CBX1: variants seen among roughly 807,000 people sequenced by gnomAD.
The protein encoded by CBX1 is chromobox protein homolog 1.
A neutral mutation model predicts 25.1 loss-of-function variants in CBX1; 10 were observed. The observed-to-expected ratio is 0.40, with a 90% CI of 0.25 to 0.68. CBX1 has a LOEUF of 0.68. Ranked by LOEUF, CBX1 falls within the 30% of genes least tolerant of loss-of-function variation. The pLI, the probability that CBX1 is intolerant of heterozygous loss-of-function variation, is 0.40. For synonymous variants in CBX1, 63 were observed against 79.4 expected (o/e 0.79, Z 1.10); for missense variants, 106 against 218.5 (o/e 0.49, Z 3.25).
chr17:48,092,673 C>T (rs1356412374), intron 1 of CBX1, among the ~76,000 whole-genome samples: 3 of 151,834 alleles, frequency 2.0e-5, no homozygotes, highest in South Asian at 2.1e-4. Context: ...AGGCTGGTCT[C>T]GAACTCCTGA....
At chr17:48,084,282 CA>C (rs1567766735) in intron 1 of CBX1, among the ~76,000 whole-genome samples, 2 of 44 alleles carry the variant, frequency 0.045, no homozygotes, top group East Asian at 0.2. Context: ...TGCTAATCAT[CA>C]TGCTCACTGA....
At chr17:48,085,791 C>T (rs939862775) in intron 1 of CBX1, among the ~76,000 whole-genome samples, 6 of 152,116 alleles carry the variant, frequency 3.9e-5, no homozygotes, top group Admixed American at 2.0e-4. Context: ...CCAGGCCAGG[C>T]GCGGTGGCTC....
chr17:48,086,717 C>T (rs1448728526), intron 1 of CBX1, among the ~76,000 whole-genome samples: 4 of 151,874 alleles, frequency 2.6e-5, no homozygotes, highest in Non-Finnish European at 4.4e-5. Context: ...ATTAGCTGGG[C>T]GTGGTCGTGC....
chr17:48,084,909 C>CA (rs2063303545), intron 1 of CBX1, among the ~76,000 whole-genome samples: 1 of 148,060 alleles, frequency 6.8e-6, no homozygotes, highest in African/African-American at 2.6e-5. Context: ...GACTCCGTCT[C>CA]ACAAAAAAAA....
At chr17:48,100,076 T>C (rs1472268357) in intron 1 of CBX1, among the ~76,000 whole-genome samples, 1 of 127,440 alleles carries the variant, frequency 7.8e-6, no homozygotes, top group African/African-American at 2.8e-5. Flanking sequence ...GAGGTGGAGG[T>C]TGCAGTGAGC....
At chr17:48,074,290 A>G (rs192016504) in intron 4 of CBX1, among the ~76,000 whole-genome samples, 1 of 152,344 alleles carries the variant, frequency 6.6e-6, no homozygotes, top group Non-Finnish European at 1.5e-5. Flanking sequence ...ATGGCTTAGA[A>G]TTATTCCTTC....
At chr17:48,082,699 C>A (rs559329455) in intron 1 of CBX1, among the ~76,000 whole-genome samples, 1 of 149,230 alleles carries the variant, frequency 6.7e-6, no homozygotes, top group East Asian at 1.9e-4. Flanking sequence ...CCACTCCTGG[C>A]TAATTTTTTT....
chr17:48,073,142 C>G (rs1053561881), intron 4 of CBX1, among the ~76,000 whole-genome samples: 13 of 151,646 alleles, frequency 8.6e-5, no homozygotes, highest in Non-Finnish European at 4.4e-5. Context: ...AAAACAAACT[C>G]TTATCTTCAG....
intron 1 of CBX1, among the ~76,000 whole-genome samples, chr17:48,092,709 C>T (rs1310808529): frequency 6.6e-6 from 1 of 151,956 alleles, no homozygotes; most frequent in Admixed American, 6.6e-5. Context: ...ACCTCAGACT[C>T]CCAAAGTGCT....
At chr17:48,076,218 A>G (rs11658242) in intron 2 of CBX1, 40 bp from the exon 3 acceptor site, 169,405 of 1,449,552 alleles carry the variant, frequency 0.12, 11,804 homozygotes, top group African/African-American at 0.31. Flanking sequence ...TTTCACTCAA[A>G]TAAGTATACT....
chr17:48,088,488 G>A (rs919136766), intron 1 of CBX1, among the ~76,000 whole-genome samples: 3 of 151,326 alleles, frequency 2.0e-5, no homozygotes, highest in Admixed American at 6.6e-5. Flanking sequence ...GCGTGGTGGC[G>A]CATGCCTGTA....
intron 1 of CBX1, among the ~76,000 whole-genome samples, chr17:48,084,279 CA>C (rs11310688): frequency 1 from 137,912 of 137,914 alleles, 68,955 homozygotes; most frequent in Middle Eastern, 1. Context: ...TGGTGCTAAT[CA>C]TCATGCTCAC....
chr17:48,078,787 C>CTTTT (rs1184844619), intron 1 of CBX1, among the ~76,000 whole-genome samples: 23 of 76,254 alleles, frequency 3.0e-4, no homozygotes, highest in Admixed American at 4.0e-4. Flanking sequence ...CGTGCCTGGA[C>CTTTT]TTTTTTTTTT....
At chr17:48,083,495 G>A (rs2037757812) in intron 1 of CBX1, among the ~76,000 whole-genome samples, 1 of 150,430 alleles carries the variant, frequency 6.6e-6, no homozygotes, top group South Asian at 2.1e-4. Flanking sequence ...ATCTCTACTT[G>A]TCTTTTTCCT....
intron 1 of CBX1, among the ~76,000 whole-genome samples, chr17:48,089,289 G>C (rs189373675): frequency 6.6e-6 from 1 of 150,904 alleles, no homozygotes; most frequent in African/African-American, 2.4e-5. Context: ...TTTTAGTAGA[G>C]AGAGGGTTTC....
chr17:48,086,996 T>C (rs1160021921), intron 1 of CBX1, among the ~76,000 whole-genome samples: 2 of 151,664 alleles, frequency 1.3e-5, no homozygotes, highest in African/African-American at 4.9e-5. Flanking sequence ...AAGACCATCC[T>C]GGCTAACATG....
At chr17:48,092,334 T>A (rs1201369814) in intron 1 of CBX1, among the ~76,000 whole-genome samples, 1 of 151,624 alleles carries the variant, frequency 6.6e-6, no homozygotes, top group African/African-American at 2.4e-5. Flanking sequence ...AAAAATAAAA[T>A]TAGCGAGGCA....
chr17:48,076,039 T>C lies in CBX1; in HGVS notation c.280A>G (p.Lys94Glu). The change falls in exon 3 of 5, where the codon AAG becomes GAG. Residue 94 changes from lysine (K) to glutamate (E), a missense_variant. Physicochemically the swap from Lys to Glu is moderately conservative, Grantham distance 56. Transcript: ENST00000225603. ...KRKADSDSED[K>E]GEESKPKKKK... ...TTCTTTGGTTTGCTCTCCTCTCCCTTATCTTCAGAATCAGAATCAGCTTTG... is the reference window on the plus strand; with the variant it reads ...TTCTTTGGTTTGCTCTCCTCTCCCTCATCTTCAGAATCAGAATCAGCTTTG... 1 of 1,612,398 alleles carries C rather than the reference T, an allele frequency of 6.2e-7. No homozygotes were observed.
intron 1 of CBX1, among the ~76,000 whole-genome samples, chr17:48,089,990 G>C (rs199714347): frequency 6.6e-6 from 1 of 150,550 alleles, no homozygotes; most frequent in Admixed American, 6.6e-5. Flanking sequence ...GCATGATCTC[G>C]GCTCACTGCA....
Sources: gnomAD v4.1 joint callset for allele counts (sites outside exome capture counted in the v4.1 genomes callset) on GRCh38, gnomAD v4.1.1 for gene constraint, MANE v1.5 for transcripts, NCBI Gene and HGNC (gene_info 2026-07-23, HGNC 2026-07-21) for gene names.